The following ST6GALNAC3 variants were observed in gnomAD, a reference collection of about 807,000 sequenced individuals.
The protein encoded by ST6GALNAC3 is ST6 N-acetylgalactosaminide alpha-2,6-sialyltransferase 3.
ST6GALNAC3 carries 25 observed loss-of-function variants against 32.7 expected under a neutral mutation model. The observed-to-expected ratio is 0.76, with a 90% CI of 0.56 to 1.07. The LOEUF (loss-of-function observed/expected upper bound fraction) is 1.07. ST6GALNAC3 is among the 50% of genes least tolerant of loss of function. ST6GALNAC3 has a pLI of 0.00. For synonymous variants in ST6GALNAC3, 129 were observed against 133.1 expected, an observed-to-expected ratio of 0.97 and a Z score of 0.21; for missense variants, 355 against 382.4, an observed-to-expected ratio of 0.93 and a Z score of 0.60.
At position 76,629,619 on chromosome 1, in the gene ST6GALNAC3, A is replaced by G. The variant is rs927767071; in HGVS notation, c.*813A>G. On this transcript the variant is annotated 3_prime_UTR_variant, in exon 5 of 5. Coordinates refer to ENST00000328299, the MANE Select transcript of ST6GALNAC3 (RefSeq NM_152996.4). ...AGGCTACTTAACATGTAAGATACCA[A>G]CTTCAACACTGTAATAACATATACT... is the stretch of plus-strand genomic sequence containing the variant. 3 of 984,756 alleles carry G rather than the reference A, an allele frequency of 3.0e-6. No homozygotes were observed. The highest frequency in any genetic ancestry group is 3.5e-5 in the African/African-American group (2 of 57,180). The allele number at this position is 984,756 out of a possible 1,614,324, so 61.0% of individuals were successfully genotyped here. A position where few individuals can be genotyped will look rare whatever the true frequency, so the allele number is the denominator to read the frequency against.
intron 3 of ST6GALNAC3, among the ~76,000 whole-genome samples, chr1:76,625,698 A>C (rs1648925415): frequency 6.6e-6 from 1 of 151,872 alleles, no homozygotes; most frequent in South Asian, 2.1e-4. Flanking sequence ...GATTGACTGC[A>C]GGTTAAGTTG....
chr1:76,168,806 T>C (rs1652291890), intron 1 of ST6GALNAC3, among the ~76,000 whole-genome samples: 1 of 151,590 alleles, frequency 6.6e-6, no homozygotes, highest in Admixed American at 6.6e-5. Context: ...TTCTGCTTGG[T>C]AGATTTTTCT....
rs1286398928 is a variant in ST6GALNAC3, at chr1:76,216,709, A to C, written c.19-97096A>C. Among the ~76,000 whole-genome samples, 2 of 152,226 alleles carry C rather than the reference A, an allele frequency of 1.3e-5. 1 individual carries two copies. Among genetic ancestry groups the C allele is most frequent in the Non-Finnish European group, 2.9e-5 (2 of 68,030 alleles). On this transcript the variant is annotated intron_variant, in intron 1 of 4. Coordinates refer to ENST00000328299, the MANE Select transcript of ST6GALNAC3 (RefSeq NM_152996.4). The stretch of plus-strand genomic sequence containing the variant: ...TCATGCAACCATTGAGTGAAATCCA[A>C]TGTGGAAAGGAAATCCAAAACTTTA...
At chr1:76,502,765 G>C (rs927586192) in intron 3 of ST6GALNAC3, among the ~76,000 whole-genome samples, 1 of 152,142 alleles carries the variant, frequency 6.6e-6, no homozygotes, top group Non-Finnish European at 1.5e-5. Flanking sequence ...CCATTGTACA[G>C]AAGAAACCGG....
intron 3 of ST6GALNAC3, among the ~76,000 whole-genome samples, chr1:76,594,644 T>C (rs1268757193): frequency 2.6e-5 from 4 of 152,188 alleles, no homozygotes; most frequent in African/African-American, 9.6e-5. Context: ...AATAGATAGA[T>C]GTAGATAGAT....
At chr1:76,169,807 G>T (rs1652358872) in intron 1 of ST6GALNAC3, among the ~76,000 whole-genome samples, 1 of 152,050 alleles carries the variant, frequency 6.6e-6, no homozygotes, top group East Asian at 1.9e-4. Context: ...GCTCTGTCAG[G>T]TTGGTTACTT....
chr1:76,542,860 T>A (rs1664074397), intron 3 of ST6GALNAC3, among the ~76,000 whole-genome samples: 1 of 152,192 alleles, frequency 6.6e-6, no homozygotes, highest in Non-Finnish European at 1.5e-5. Flanking sequence ...CAGTTACACA[T>A]GGTAGTGGTA....
intron 3 of ST6GALNAC3, among the ~76,000 whole-genome samples, chr1:76,453,003 C>G (rs1657517618): frequency 6.6e-6 from 1 of 152,150 alleles, no homozygotes; most frequent in Admixed American, 6.6e-5. Flanking sequence ...CTGCTTTAAT[C>G]TAGAAGGCTT....
intron 1 of ST6GALNAC3, among the ~76,000 whole-genome samples, chr1:76,279,125 A>T (rs138525768): frequency 9.3e-4 from 142 of 152,276 alleles, no homozygotes; most frequent in Non-Finnish European, 1.2e-3. Flanking sequence ...GAGGAAACAG[A>T]CAGCAGACAG....
chr1:76,195,851 T>C lies in ST6GALNAC3; in HGVS notation c.19-117954T>C, dbSNP rs1410031147. ...AACAAGCATGGGCTTGGTTGGACTG[T>C]ACAGTTCAAGAATTAGGGAATTTGA... is the stretch of plus-strand genomic sequence containing the variant. On this transcript the variant is annotated intron_variant, in intron 1 of 4. Coordinates refer to ENST00000328299, the MANE Select transcript of ST6GALNAC3 (RefSeq NM_152996.4). 3.9e-5 allele frequency among the ~76,000 whole-genome samples: 6 copies of C among 152,056 alleles called. No individual in the cohort carries two copies. In the South Asian group the frequency reaches 1.0e-3, roughly 26 times the overall value.
intron 1 of ST6GALNAC3, among the ~76,000 whole-genome samples, chr1:76,204,002 A>G (rs937102057): frequency 5.3e-5 from 8 of 152,160 alleles, no homozygotes; most frequent in Non-Finnish European, 1.2e-4. Context: ...AGGGTGTTTA[A>G]TCAACTTTTA....
intron 2 of ST6GALNAC3, among the ~76,000 whole-genome samples, chr1:76,392,130 G>C (rs1652612359): frequency 6.6e-6 from 1 of 152,014 alleles, no homozygotes; most frequent in African/African-American, 2.4e-5. Context: ...TCCCCCAATT[G>C]TAACAATTGA....
chr1:76,510,732 T>C (rs1383945402), intron 3 of ST6GALNAC3, among the ~76,000 whole-genome samples: 1 of 152,154 alleles, frequency 6.6e-6, no homozygotes, highest in African/African-American at 2.4e-5. Context: ...CCAAACATCA[T>C]AGCTAAACCT....
chr1:76,084,288 G>A (rs1195952244), intron 1 of ST6GALNAC3, among the ~76,000 whole-genome samples: 1 of 152,184 alleles, frequency 6.6e-6, no homozygotes, highest in Non-Finnish European at 1.5e-5. Context: ...ACACATCTGA[G>A]CGTTTGATGA....
At chr1:76,450,976 G>A (rs1008655191) in intron 3 of ST6GALNAC3, among the ~76,000 whole-genome samples, 2 of 152,154 alleles carry the variant, frequency 1.3e-5, no homozygotes, top group East Asian at 1.9e-4. Context: ...TTGAAGTCAG[G>A]TAATGTGATG....
intron 1 of ST6GALNAC3, among the ~76,000 whole-genome samples, chr1:76,082,884 T>G (rs772388352): frequency 4.6e-5 from 7 of 152,026 alleles, no homozygotes; most frequent in East Asian, 1.9e-4. Flanking sequence ...TTTGTTTTTT[T>G]TTTTAAAGGT....
At chr1:76,177,157 G>C (rs1277480452) in intron 1 of ST6GALNAC3, among the ~76,000 whole-genome samples, 1 of 151,906 alleles carries the variant, frequency 6.6e-6, no homozygotes, top group Non-Finnish European at 1.5e-5. Flanking sequence ...TTTTAAAAAA[G>C]AGTTAAATTG....
intron 1 of ST6GALNAC3, among the ~76,000 whole-genome samples, chr1:76,078,013 T>C (rs938126622): frequency 1.3e-5 from 2 of 152,184 alleles, no homozygotes; most frequent in African/African-American, 4.8e-5. Flanking sequence ...GAGGGCATAG[T>C]AGAAGCATGG....
intron 1 of ST6GALNAC3, among the ~76,000 whole-genome samples, chr1:76,118,049 G>T (rs1648603316): frequency 6.6e-6 from 1 of 152,050 alleles, no homozygotes; most frequent in Non-Finnish European, 1.5e-5. Flanking sequence ...GTATACATGT[G>T]CCATGGTGGT....
Sources: gnomAD v4.1 joint callset for allele counts (sites outside exome capture counted in the v4.1 genomes callset) on GRCh38, gnomAD v4.1.1 for gene constraint, MANE v1.5 for transcripts, NCBI Gene and HGNC (gene_info 2026-07-23, HGNC 2026-07-21) for gene names.